Variants in DNAL1 observed in about 807,000 individuals in gnomAD.
The protein encoded by DNAL1 is dynein axonemal light chain 1, also known as chromosome 14 open reading frame 168.
A neutral mutation model predicts 29.4 loss-of-function variants in DNAL1; 17 were observed. The ratio of observed to expected loss-of-function variants is 0.58; its 90% CI spans 0.40 to 0.87. The LOEUF (loss-of-function observed/expected upper bound fraction) is 0.87, where lower values mean the gene tolerates loss of function less well. Among genes scored for constraint, DNAL1 ranks in the 40% least tolerant of loss-of-function variants. DNAL1 has a pLI of 0.00. For missense variants in DNAL1, 188 were observed against 214.1 expected, an observed-to-expected ratio of 0.88 and a Z score of 0.76; for synonymous variants, 78 against 76.3, an observed-to-expected ratio of 1.02 and a Z score of -0.12.
At chr14:73,691,716 T>G (rs1269653480) in intron 7 of DNAL1, among the ~76,000 whole-genome samples, 1 of 152,038 alleles carries the variant, frequency 6.6e-6, no homozygotes, top group Non-Finnish European at 1.5e-5. Flanking sequence ...TTCTTTTTTT[T>G]AGAGTCTGGC....
rs775455607 is a variant in DNAL1, at chr14:73,687,421, G to A, written c.391+36G>A. The A allele has an allele frequency of 1.4e-5, 21 of 1,506,200 alleles. No individual in the cohort carries two copies. In the East Asian group the frequency reaches 2.6e-4, roughly 19 times the overall value. 93.3% of individuals were successfully genotyped at this position (1,506,200 alleles called of 1,614,324 possible). A position where few individuals can be genotyped will look rare whatever the true frequency, so the allele number is the denominator to read the frequency against. ...AGTGGCCCTTTGCTAACCTTCTACC[G>A]CCTGTTTATAGAAAATAGTCCGAGA... On this transcript the variant is annotated intron_variant, in intron 6 of 7. Coordinates refer to ENST00000553645, the MANE Select transcript of DNAL1 (RefSeq NM_031427.4).
intron 5 of DNAL1, among the ~76,000 whole-genome samples, chr14:73,684,565 G>C (rs978579227): frequency 6.6e-6 from 1 of 152,042 alleles, no homozygotes; most frequent in Non-Finnish European, 1.5e-5. Flanking sequence ...TTTATACAGA[G>C]CAATAATCAT....
At chr14:73,658,284 C>T (rs540761820) in intron 2 of DNAL1, among the ~76,000 whole-genome samples, 9 of 152,262 alleles carry the variant, frequency 5.9e-5, no homozygotes, top group Non-Finnish European at 1.0e-4. Context: ...ATACCAATAC[C>T]GTGCTGTTTG....
Position 73,671,609 on chromosome 14 carries a change from T to TTTA in DNAL1, c.264+21_264+23dup. ...ACTTAAATGGACTGGTAGGTTGTTA[T>TTTA]TTATTATTATTTTATTTATTTAATT... On this transcript the variant is annotated intron_variant, in intron 5 of 7. Transcript: ENST00000553645. 1 of 1,434,124 alleles carries TTTA rather than the reference T, an allele frequency of 7.0e-7. No homozygotes were observed. The allele number at this position is 1,434,124 out of a possible 1,614,324, so 88.8% of individuals were successfully genotyped here.
chr14:73,669,061 G>C (rs1049199552), intron 4 of DNAL1, among the ~76,000 whole-genome samples: 1 of 152,068 alleles, frequency 6.6e-6, no homozygotes, highest in Non-Finnish European at 1.5e-5. Context: ...TGTTGGATTA[G>C]GGCCCATCCA....
rs779309893 is a variant in DNAL1, at chr14:73,654,864, CAAA to C, written c.22_24del (p.Lys8del). 14 of 1,528,358 alleles carry C rather than the reference CAAA, an allele frequency of 9.2e-6. No individual in the cohort carries two copies. The highest frequency in any genetic ancestry group is 4.2e-5 in the African/African-American group (3 of 70,976). 94.7% of individuals were successfully genotyped at this position (1,528,358 alleles called of 1,614,324 possible). On this transcript the variant is annotated inframe_deletion, in exon 2 of 8. Transcript: ENST00000553645. ...TTTTAAAGGCGAAAGCAACAACAAT[CAAA>C]GAAGCCTTAGCGAGATGGGTGAGTA... is the stretch of plus-strand genomic sequence containing the variant.
At chr14:73,662,126 GCTGGCAC>G in intron 4 of DNAL1, 84 bp downstream of exon 4, 1 of 1,190,522 alleles carries the variant, frequency 8.4e-7, no homozygotes, top group Non-Finnish European at 1.2e-6. Flanking sequence ...AATTCCAGAA[GCTGGCAC>G]CTGTTTTAGC....
At chr14:73,663,089 A>G (rs1001238398) in intron 4 of DNAL1, among the ~76,000 whole-genome samples, 19 of 152,154 alleles carry the variant, frequency 1.2e-4, no homozygotes, top group African/African-American at 4.1e-4. Context: ...TAAGAAATAC[A>G]TCTGAATGTA....
intron 1 of DNAL1, among the ~76,000 whole-genome samples, chr14:73,652,117 C>T (rs1289946271): frequency 2.0e-5 from 3 of 152,016 alleles, no homozygotes; most frequent in African/African-American, 7.2e-5. Flanking sequence ...GCTCATGCAG[C>T]CCTGACCTCC....
At chr14:73,669,369 C>T (rs1223144763) in intron 4 of DNAL1, among the ~76,000 whole-genome samples, 2 of 151,818 alleles carry the variant, frequency 1.3e-5, no homozygotes, top group African/African-American at 2.4e-5. Context: ...CTCCGCCTCC[C>T]GGGTTCAAGC....
chr14:73,684,171 A>G (rs1055022265), intron 5 of DNAL1, among the ~76,000 whole-genome samples: 2 of 152,174 alleles, frequency 1.3e-5, no homozygotes, highest in Admixed American at 6.5e-5. Context: ...GTGATATACC[A>G]TATTTTCTTT....
intron 6 of DNAL1, among the ~76,000 whole-genome samples, chr14:73,687,649 G>T (rs977585204): frequency 6.6e-6 from 1 of 152,184 alleles, no homozygotes; most frequent in Non-Finnish European, 1.5e-5. Context: ...GAGGCGGGTG[G>T]ATCACGAGGT....
intron 7 of DNAL1, among the ~76,000 whole-genome samples, chr14:73,692,893 G>A (rs1471943503): frequency 6.6e-6 from 1 of 151,162 alleles, no homozygotes; most frequent in Non-Finnish European, 1.5e-5. Flanking sequence ...CTGGAGTGCA[G>A]TGGCGCGATC....
chr14:73,701,817 A>C lies in DNAL1; in HGVS notation c.*5875A>C, dbSNP rs1438281649. On this transcript the variant is annotated 3_prime_UTR_variant, in exon 8 of 8. Transcript: ENST00000553645. ...ATGAATACCTTGGTAATAATCTTTT[A>C]TACACAGGAGTTTTGTAGCATGACT... 6.6e-6 allele frequency: 1 copy of C among 152,146 alleles called. No individual in the cohort carries two copies. Among genetic ancestry groups the C allele is most frequent in the African/African-American group, 2.4e-5 (1 of 41,432 alleles). 9.4% of individuals were successfully genotyped at this position (152,146 alleles called of 1,614,324 possible).
At chr14:73,671,497 T>A in intron 4 of DNAL1, 45 bp from the exon 5 acceptor site, 2 of 1,391,630 alleles carry the variant, frequency 1.4e-6, no homozygotes, top group Non-Finnish European at 1.9e-6. Flanking sequence ...AACAATTGTG[T>A]AATATGATTC....
intron 4 of DNAL1, among the ~76,000 whole-genome samples, chr14:73,669,511 G>A (rs901124735): frequency 1.6e-4 from 25 of 151,974 alleles, no homozygotes; most frequent in African/African-American, 4.6e-4. Context: ...TTCTGACCTC[G>A]TGATCCACCC....
intron 5 of DNAL1, among the ~76,000 whole-genome samples, chr14:73,676,210 G>A (rs1220470639): frequency 6.6e-6 from 1 of 151,222 alleles, no homozygotes; most frequent in Non-Finnish European, 1.5e-5. Flanking sequence ...CTCCAGCCTG[G>A]GTGACAGAGC....
At chr14:73,689,325 C>T (rs1892107798) in intron 6 of DNAL1, 50 bp from the exon 7 acceptor site, 3 of 1,546,768 alleles carry the variant, frequency 1.9e-6, no homozygotes, top group Admixed American at 3.9e-5. Flanking sequence ...GACCACCGCA[C>T]CCGGCCAAAA....
chr14:73,674,791 C>T (rs908433364), intron 5 of DNAL1, among the ~76,000 whole-genome samples: 1 of 152,150 alleles, frequency 6.6e-6, no homozygotes, highest in African/African-American at 2.4e-5. Flanking sequence ...ATACTCTGGC[C>T]TCAGCCTGAG....
Sources: allele counts gnomAD v4.1 joint callset (sites outside exome capture counted in the v4.1 genomes callset), GRCh38; gene constraint gnomAD v4.1.1; transcripts MANE v1.5; gene names NCBI Gene and HGNC (gene_info 2026-07-23, HGNC 2026-07-21).